The following NHSL2 variants were observed in gnomAD, a reference collection of about 807,000 sequenced individuals.
NHSL2 encodes the protein NHS like 2.
A neutral mutation model predicts 53.4 loss-of-function variants in NHSL2; 27 were observed. The observed-to-expected ratio is 0.51, with a 90% confidence interval of 0.37 to 0.70. NHSL2 has a LOEUF of 0.70. Among genes scored for constraint, NHSL2 ranks in the 30% least tolerant of loss-of-function variants. The pLI, the probability that NHSL2 is intolerant of heterozygous loss-of-function variation, is 0.00. For missense variants in NHSL2, 892 were observed against 980.1 expected (o/e 0.91, Z 1.20); for synonymous variants, 408 against 404.1 (o/e 1.01, Z -0.12).
intron 1 of NHSL2, among the ~76,000 whole-genome samples, chrX:71,948,136 G>T (rs970777455): frequency 1.8e-5 from 2 of 111,979 alleles, no homozygotes; most frequent in South Asian, 7.3e-4. Context: ...AAAATAACAG[G>T]TGTCAACACA....
rs758006614 is a variant in NHSL2 at position 71,937,809 on chromosome X, T to TCTTTGC, written c.280+26449_280+26454dup. Among the ~76,000 whole-genome samples the TCTTTGC allele has an allele frequency of 2.7e-5, 3 of 112,086 alleles. No individual in the cohort carries two copies. In the East Asian group the frequency reaches 8.4e-4, roughly 31 times the overall value. ...GTGGGTCATGACAACAAAGGTTTATTCTTTGCCTTTGCTTTATGTCTATGA... is the reference window on the plus strand; with the variant it reads ...GTGGGTCATGACAACAAAGGTTTATTCTTTGCCTTTGCCTTTGCTTTATGTCTATGA... On this transcript the variant is annotated intron_variant, in intron 1 of 7. Coordinates refer to ENST00000633930, the MANE Select transcript of NHSL2 (RefSeq NM_001013627.3).
chrX:72,116,238 T>C (rs1372519688), intron 1 of NHSL2, among the ~76,000 whole-genome samples: 1 of 112,162 alleles, frequency 8.9e-6, no homozygotes, highest in African/African-American at 3.3e-5. Context: ...TATATATAAA[T>C]GTTAACAACT....
intron 1 of NHSL2, among the ~76,000 whole-genome samples, chrX:72,061,842 T>G (rs12014839): frequency 5.4e-5 from 6 of 111,494 alleles, no homozygotes; most frequent in African/African-American, 2.0e-4. Context: ...CAGGCTCAGT[T>G]CTTAGCTCGG....
rs142631162 is a variant in NHSL2, at chrX:71,948,851, G to GTT, written c.280+37496_280+37497dup. Among the ~76,000 whole-genome samples, 467 of 90,086 alleles carry GTT rather than the reference G, an allele frequency of 5.2e-3. 2 individuals are homozygous for GTT. Among genetic ancestry groups the GTT allele is most frequent in the South Asian group, 0.01 (17 of 1,679 alleles). 78.2% of individuals were successfully genotyped at this position (90,086 alleles called of 115,157 possible). A position where few individuals can be genotyped will look rare whatever the true frequency, so the allele number is the denominator to read the frequency against. On this transcript the variant is annotated intron_variant, in intron 1 of 7. Transcript: ENST00000633930. ...TCAAAAAAAAAAAAAATGTAGTTTT[G>GTT]TTTTTTTTTTTTTGAGACAAGTTCT...
intron 1 of NHSL2, among the ~76,000 whole-genome samples, chrX:72,080,777 T>C (rs917825867): frequency 2.1e-4 from 24 of 111,689 alleles, no homozygotes; most frequent in Admixed American, 2.1e-3. Flanking sequence ...CCAAGGCATG[T>C]AGGCAAGGAG....
At chrX:72,093,341 T>C (rs2041912989) in intron 1 of NHSL2, among the ~76,000 whole-genome samples, 1 of 112,538 alleles carries the variant, frequency 8.9e-6, no homozygotes, top group Non-Finnish European at 1.9e-5. Flanking sequence ...TACCCAGATA[T>C]ATTGGAATTT....
intron 1 of NHSL2, among the ~76,000 whole-genome samples, chrX:71,982,149 T>G (rs766297573): frequency 8.9e-6 from 1 of 112,192 alleles, no homozygotes; most frequent in African/African-American, 3.2e-5. Context: ...GTCATAAAAA[T>G]GAATGAAGTA....
chrX:72,050,586 T>A (rs1445965806), intron 1 of NHSL2, among the ~76,000 whole-genome samples: 1 of 112,111 alleles, frequency 8.9e-6, no homozygotes, highest in Non-Finnish European at 1.9e-5. Context: ...TGCCAGCAAC[T>A]TTTTCTAGCA....
chrX:72,051,631 C>T (rs2042341187), intron 1 of NHSL2, among the ~76,000 whole-genome samples: 1 of 111,527 alleles, frequency 9.0e-6, no homozygotes, highest in African/African-American at 3.3e-5. Flanking sequence ...GTTTCCTTCT[C>T]CACAACATGT....
At chrX:72,050,499 A>G (rs749478022) in intron 1 of NHSL2, among the ~76,000 whole-genome samples, 13 of 111,879 alleles carry the variant, frequency 1.2e-4, no homozygotes, top group Non-Finnish European at 2.4e-4. Flanking sequence ...ATGTCAGAAG[A>G]TAATGTAGCA....
At chrX:72,126,467 C>T (rs2042226591) in intron 1 of NHSL2, among the ~76,000 whole-genome samples, 1 of 111,411 alleles carries the variant, frequency 9.0e-6, no homozygotes, top group African/African-American at 3.3e-5. Context: ...GTTCTTTCCC[C>T]CCAGGATATC....
At chrX:72,007,384 C>T (rs991371805) in intron 1 of NHSL2, among the ~76,000 whole-genome samples, 12 of 112,666 alleles carry the variant, frequency 1.1e-4, no homozygotes, top group Non-Finnish European at 2.3e-4. Context: ...GAACCATGTC[C>T]TGCTGGGATC....
intron 1 of NHSL2, among the ~76,000 whole-genome samples, chrX:71,978,805 A>G (rs1197279077): frequency 9.7e-6 from 1 of 102,570 alleles, no homozygotes; most frequent in African/African-American, 3.7e-5. Flanking sequence ...GTACATGTGC[A>G]CAACGTGCAG....
At chrX:72,034,676 T>C (rs2042232554) in intron 1 of NHSL2, among the ~76,000 whole-genome samples, 1 of 112,258 alleles carries the variant, frequency 8.9e-6, no homozygotes, top group East Asian at 2.8e-4. Context: ...TTTTGTGATA[T>C]TGGTCTATTT....
At chrX:71,950,791 G>A (rs2041816935) in intron 1 of NHSL2, among the ~76,000 whole-genome samples, 1 of 111,467 alleles carries the variant, frequency 9.0e-6, no homozygotes, top group Admixed American at 9.5e-5. Context: ...CCATTTCTGT[G>A]GGTGGGTGTC....
chrX:72,131,653 G>C, intron 1 of NHSL2: 1 of 779,585 alleles, frequency 1.3e-6, no homozygotes, highest in East Asian at 3.6e-5. Context: ...ACCGAAGTGC[G>C]GCAGCGGGGC....
intron 1 of NHSL2, among the ~76,000 whole-genome samples, chrX:72,038,709 G>A (rs1209466814): frequency 1.8e-5 from 2 of 112,334 alleles, no homozygotes; most frequent in Admixed American, 1.9e-4. Flanking sequence ...TGGTCCAAAA[G>A]AAGACTGGCC....
chrX:72,138,690 A>G lies in NHSL2; in HGVS notation c.1142A>G (p.Asn381Ser), dbSNP rs758405091. The G allele has an allele frequency of 1.7e-5, 20 of 1,195,452 alleles. No individual in the cohort carries two copies. The highest frequency in any genetic ancestry group is 3.4e-6 in the Non-Finnish European group (3 of 887,279). ...GTGTACAGTGTCCCCAGTTCTTGCA[A>G]TGGACCTACAGAATCAACCTTCTCC... ...GMVYSVPSSC[N>S]GPTESTFSTS... The change falls in exon 6 of 8, where the codon AAT (asparagine) becomes AGT (serine). Residue 381 changes from asparagine to serine, a missense_variant. Asn to Ser is a conservative substitution (Grantham distance 46). Transcript: ENST00000633930.
chrX:72,044,463 T>C (rs1377408139), intron 1 of NHSL2: 1 of 463,619 alleles, frequency 2.2e-6, no homozygotes, highest in African/African-American at 2.4e-5. Context: ...TTCCTCTACA[T>C]TCCTGGATGG....
Sources: gnomAD v4.1 joint callset for allele counts (sites outside exome capture counted in the v4.1 genomes callset) on GRCh38, gnomAD v4.1.1 for gene constraint, MANE v1.5 for transcripts, NCBI Gene and HGNC (gene_info 2026-07-23, HGNC 2026-07-21) for gene names.